The following TNFAIP8 variants were observed in gnomAD, a reference collection of about 807,000 sequenced individuals.
TNFAIP8 encodes the protein TNF alpha induced protein 8.
In TNFAIP8, 7 loss-of-function variants were observed where a neutral mutation model predicts 13.3. That is an observed-to-expected ratio of 0.52 (90% CI 0.30 to 0.99). The LOEUF (loss-of-function observed/expected upper bound fraction) is 0.99, where lower values mean the gene tolerates loss of function less well. Among genes scored for constraint, TNFAIP8 ranks in the 50% least tolerant of loss-of-function variants. The pLI, the probability that TNFAIP8 is intolerant of heterozygous loss-of-function variation, is 0.07. For missense variants in TNFAIP8, 258 were observed against 236.9 expected (o/e 1.09, Z -0.58); for synonymous variants, 94 against 87.6 (o/e 1.07, Z -0.41).
chr5:119,293,313 CCTGT>C lies in TNFAIP8; in HGVS notation c.1+24409_1+24412del, dbSNP rs1749056756. ...AGTAGATCCTTTTGAACTTGTTCCT[CCTGT>C]CTAATTGAAATTTTATGTCTTTTGA... is the stretch of plus-strand genomic sequence containing the variant. On this transcript the variant is annotated intron_variant, in intron 1 of 1. Coordinates refer to the TNFAIP8 transcript ENST00000274456. Among the ~76,000 whole-genome samples, 6 of 152,238 alleles carry C rather than the reference CCTGT, an allele frequency of 3.9e-5. No individual in the cohort carries two copies. The South Asian group carries it at 8.3e-4, about 21-fold the overall frequency.
chr5:119,360,275 G>A (rs1751583983), intron 1 of TNFAIP8, among the ~76,000 whole-genome samples: 1 of 152,142 alleles, frequency 6.6e-6, no homozygotes, highest in South Asian at 2.1e-4. Flanking sequence ...CCCAGCGATT[G>A]CATTTCAGAA....
At chr5:119,369,247 T>G (rs1346282999) in intron 1 of TNFAIP8, among the ~76,000 whole-genome samples, 1 of 152,052 alleles carries the variant, frequency 6.6e-6, no homozygotes, top group African/African-American at 2.4e-5. Context: ...AGAGATGGGA[T>G]TTCACCATGT....
chr5:119,322,075 T>G (rs1255825828), intron 1 of TNFAIP8, among the ~76,000 whole-genome samples: 2 of 152,040 alleles, frequency 1.3e-5, no homozygotes, highest in African/African-American at 2.4e-5. Context: ...GTTCCTTGGC[T>G]CTCTCTCTAA....
At chr5:119,281,061 G>C (rs1038453971) in intron 1 of TNFAIP8, among the ~76,000 whole-genome samples, 1 of 152,036 alleles carries the variant, frequency 6.6e-6, no homozygotes, top group Non-Finnish European at 1.5e-5. Flanking sequence ...CCTGACCTTA[G>C]TATTCTTGTT....
At chr5:119,270,678 C>T (rs1440120405) in intron 1 of TNFAIP8, among the ~76,000 whole-genome samples, 1 of 152,194 alleles carries the variant, frequency 6.6e-6, no homozygotes, top group Non-Finnish European at 1.5e-5. Context: ...TACTTGTAAT[C>T]TGAGTAAATA....
intron 1 of TNFAIP8, among the ~76,000 whole-genome samples, chr5:119,344,197 A>G (rs921260355): frequency 3.3e-5 from 5 of 152,236 alleles, no homozygotes; most frequent in African/African-American, 1.2e-4. Context: ...GCATCTGCTC[A>G]GTTTCTGTTG....
intron 1 of TNFAIP8, among the ~76,000 whole-genome samples, chr5:119,297,691 A>T (rs1485888816): frequency 6.6e-6 from 1 of 152,098 alleles, no homozygotes; most frequent in Non-Finnish European, 1.5e-5. Context: ...GATCTGTCTA[A>T]TGTTGACAGT....
At chr5:119,381,171 C>T (rs558712021) in intron 1 of TNFAIP8, among the ~76,000 whole-genome samples, 4 of 152,170 alleles carry the variant, frequency 2.6e-5, no homozygotes, top group African/African-American at 7.2e-5. Context: ...CTGTGGTGGA[C>T]GGCCCATGAC....
At chr5:119,299,967 G>C (rs6892980) in intron 1 of TNFAIP8, among the ~76,000 whole-genome samples, 1 of 152,200 alleles carries the variant, frequency 6.6e-6, no homozygotes, top group Non-Finnish European at 1.5e-5. Flanking sequence ...TCGGAAAAGC[G>C]CAGTATTAGC....
chr5:119,344,733 C>G (rs1750845407), intron 1 of TNFAIP8, among the ~76,000 whole-genome samples: 1 of 152,106 alleles, frequency 6.6e-6, no homozygotes, highest in South Asian at 2.1e-4. Context: ...AAGGCCAATC[C>G]AGGAAACATT....
intron 1 of TNFAIP8, among the ~76,000 whole-genome samples, chr5:119,274,417 C>T (rs182137528): frequency 6.6e-6 from 1 of 152,304 alleles, no homozygotes; most frequent in Admixed American, 6.5e-5. Context: ...TGTTTTGCTA[C>T]ACTTGAAGGG....
At chr5:119,297,494 T>C (rs1749214930) in intron 1 of TNFAIP8, among the ~76,000 whole-genome samples, 1 of 152,198 alleles carries the variant, frequency 6.6e-6, no homozygotes. Context: ...TTTCTGTTCT[T>C]TTACATTTGC....
At chr5:119,380,605 A>T (rs1752449817) in intron 1 of TNFAIP8, among the ~76,000 whole-genome samples, 1 of 152,266 alleles carries the variant, frequency 6.6e-6, no homozygotes, top group South Asian at 2.1e-4. Flanking sequence ...CTTTAGAAAG[A>T]CTAATGTATC....
rs189529732 is a variant in TNFAIP8, at chr5:119,299,342, G to T, written c.1+30435G>T. Reference sequence around the variant, plus strand: ...CTTCTAACAGTCAGGACCCTCAGCTGCAGGTCTGTTGGAGTTTGCTAGAGG... The same window carrying T: ...CTTCTAACAGTCAGGACCCTCAGCTTCAGGTCTGTTGGAGTTTGCTAGAGG... On this transcript the variant is annotated intron_variant, in intron 1 of 1. Transcript: ENST00000274456. 3.0e-3 allele frequency among the ~76,000 whole-genome samples: 457 copies of T among 152,308 alleles called. 4 individuals carry two copies. The highest frequency in any genetic ancestry group is 0.011 in the African/African-American group (444 of 41,570).
intron 1 of TNFAIP8, among the ~76,000 whole-genome samples, chr5:119,279,079 A>C (rs1213741806): frequency 6.6e-6 from 1 of 152,224 alleles, no homozygotes. Context: ...GCCAGCAGGC[A>C]CTGTGCTGAG....
chr5:119,360,847 C>T (rs1305061062), intron 1 of TNFAIP8, among the ~76,000 whole-genome samples: 4 of 152,164 alleles, frequency 2.6e-5, no homozygotes, highest in Non-Finnish European at 4.4e-5. Flanking sequence ...TCACCTTCTA[C>T]GTGTAACTCA....
At chr5:119,334,139 C>CAAAAA (rs57346323) in intron 1 of TNFAIP8, among the ~76,000 whole-genome samples, 5 of 104,446 alleles carry the variant, frequency 4.8e-5, no homozygotes, top group South Asian at 3.5e-4. Context: ...CTCTAACAAC[C>CAAAAA]AAAAAAAAAA....
At chr5:119,315,851 T>C (rs1043669561) in intron 1 of TNFAIP8, among the ~76,000 whole-genome samples, 5 of 152,124 alleles carry the variant, frequency 3.3e-5, no homozygotes, top group African/African-American at 1.2e-4. Context: ...CCTCTGGGTG[T>C]CTTCACACAC....
intron 1 of TNFAIP8, among the ~76,000 whole-genome samples, chr5:119,273,732 A>C (rs1356564587): frequency 1.3e-5 from 2 of 152,202 alleles, no homozygotes; most frequent in African/African-American, 2.4e-5. Context: ...TTGCAAAGGG[A>C]ATCGGGCTGG....
Sources: gnomAD v4.1 joint callset for allele counts (sites outside exome capture counted in the v4.1 genomes callset) on GRCh38, gnomAD v4.1.1 for gene constraint, MANE v1.5 for transcripts, NCBI Gene and HGNC (gene_info 2026-07-23, HGNC 2026-07-21) for gene names.